The following NRG1 variants were observed in gnomAD, a reference collection of about 807,000 sequenced individuals.
The protein encoded by NRG1 is neuregulin 1.
NRG1 carries 18 observed loss-of-function variants against 63.8 expected under a neutral mutation model. The ratio of observed to expected loss-of-function variants is 0.28; its 90% confidence interval spans 0.19 to 0.42. The LOEUF is 0.42. Among genes scored for constraint, NRG1 ranks in the 10% least tolerant of loss-of-function variants. NRG1 has a pLI of 1.00. For missense variants in NRG1, 762 were observed against 814.7 expected, an observed-to-expected ratio of 0.94 and a Z score of 0.79; for synonymous variants, 302 against 301.3, an observed-to-expected ratio of 1.00 and a Z score of -0.02.
At chr8:31,765,156 C>T (rs1284566839) in intron 1 of NRG1, among the ~76,000 whole-genome samples, 1 of 151,940 alleles carries the variant, frequency 6.6e-6, no homozygotes, top group Non-Finnish European at 1.5e-5. Context: ...TATAGAAACA[C>T]AATTTATTTT....
intron 1 of NRG1, among the ~76,000 whole-genome samples, chr8:32,566,223 G>C (rs1163975456): frequency 6.6e-6 from 1 of 151,922 alleles, no homozygotes; most frequent in Non-Finnish European, 1.5e-5. Context: ...CGGGCCTGGT[G>C]GTGGGTGCCA....
chr8:32,684,021 C>T (rs954983245), intron 5 of NRG1, among the ~76,000 whole-genome samples: 11 of 151,994 alleles, frequency 7.2e-5, no homozygotes, highest in Admixed American at 7.2e-4. Flanking sequence ...ATGGTGAAAC[C>T]CCACCGCTAC....
At chr8:32,009,456 G>C (rs1814372413) in intron 1 of NRG1, among the ~76,000 whole-genome samples, 1 of 151,958 alleles carries the variant, frequency 6.6e-6, no homozygotes, top group African/African-American at 2.4e-5. Context: ...GGCCATTGCT[G>C]TGCTGGAAGT....
chr8:31,803,224 T>C (rs1821960193), intron 1 of NRG1, among the ~76,000 whole-genome samples: 1 of 152,210 alleles, frequency 6.6e-6, no homozygotes, highest in African/African-American at 2.4e-5. Context: ...TTAAAAAGTC[T>C]TTGTTCAGTG....
intron 1 of NRG1, among the ~76,000 whole-genome samples, chr8:32,198,731 CTTTA>C (rs1303517933): frequency 6.6e-6 from 1 of 152,128 alleles, no homozygotes; most frequent in African/African-American, 2.4e-5. Context: ...AATCAATTAA[CTTTA>C]AATTAGTTAA....
intron 1 of NRG1, among the ~76,000 whole-genome samples, chr8:32,572,010 A>G (rs1218726141): frequency 6.6e-6 from 1 of 152,134 alleles, no homozygotes; most frequent in Non-Finnish European, 1.5e-5. Flanking sequence ...TTGTCCTTTT[A>G]TGTTCACTTT....
chr8:32,199,060 A>T lies in NRG1; in HGVS notation c.38-396768A>T, dbSNP rs13266935. ...TATGACCGCTCTGCTTATTTTGAACAATCTTTTATTTTTTTCTGGAGTTGA... is the reference window on the plus strand; with the variant it reads ...TATGACCGCTCTGCTTATTTTGAACTATCTTTTATTTTTTTCTGGAGTTGA... On this transcript the variant is annotated intron_variant, in intron 1 of 10. Coordinates refer to the NRG1 transcript ENST00000519301. Among the ~76,000 whole-genome samples, 3 of 151,970 alleles carry T rather than the reference A, an allele frequency of 2.0e-5. No individual in the cohort carries two copies. The East Asian group carries it at 5.8e-4, about 29-fold the overall frequency.
intron 1 of NRG1, among the ~76,000 whole-genome samples, chr8:32,123,649 A>G (rs1460484488): frequency 1.3e-5 from 2 of 149,106 alleles, no homozygotes; most frequent in African/African-American, 2.4e-5. Context: ...CATAATATAT[A>G]TATTATGTAA....
At chr8:32,478,116 A>C (rs1275444043) in intron 1 of NRG1, among the ~76,000 whole-genome samples, 1 of 152,266 alleles carries the variant, frequency 6.6e-6, no homozygotes, top group Non-Finnish European at 1.5e-5. Context: ...GCAAATGAGA[A>C]ATAAAACAAC....
chr8:32,420,806 G>A, intron 1 of NRG1, among the ~76,000 whole-genome samples: 1 of 152,160 alleles, frequency 6.6e-6, no homozygotes, highest in Non-Finnish European at 1.5e-5. Context: ...CTCACCTTGA[G>A]TTGTAGTCCT....
intron 1 of NRG1, among the ~76,000 whole-genome samples, chr8:31,768,420 G>A (rs945818607): frequency 1.3e-5 from 2 of 152,150 alleles, no homozygotes; most frequent in African/African-American, 4.8e-5. Context: ...AGTTGCTGTG[G>A]TAATCAGCTG....
chr8:31,735,185 C>CT (rs1404821910), intron 1 of NRG1, among the ~76,000 whole-genome samples: 1 of 152,088 alleles, frequency 6.6e-6, no homozygotes, highest in Non-Finnish European at 1.5e-5. Context: ...ATGATGTGCC[C>CT]TGACCACCCC....
chr8:32,581,691 C>G (rs58705931), intron 1 of NRG1, among the ~76,000 whole-genome samples: 1 of 152,044 alleles, frequency 6.6e-6, no homozygotes, highest in Non-Finnish European at 1.5e-5. Context: ...GACACTTATT[C>G]GAAAGACATA....
intron 1 of NRG1, among the ~76,000 whole-genome samples, chr8:31,896,588 G>T (rs1031367157): frequency 6.6e-6 from 1 of 152,180 alleles, no homozygotes; most frequent in Admixed American, 6.5e-5. Flanking sequence ...AGAATAACCT[G>T]GAGGGTTTGT....
rs187049696 is a variant in NRG1, at chr8:32,109,411, C to T, written c.37+469980C>T. Among the ~76,000 whole-genome samples the T allele has an allele frequency of 9.8e-5, 15 of 152,340 alleles. No individual in the cohort carries two copies. In the East Asian group the frequency reaches 2.9e-3, roughly 29 times the overall value. The stretch of plus-strand genomic sequence containing the variant: ...AACTAGACAAGACTTTTGAGACCAT[C>T]TGTCCAAAACTTTGGTTTTACCAGT... On this transcript the variant is annotated intron_variant, in intron 1 of 10. Coordinates refer to the NRG1 transcript ENST00000519301.
chr8:32,236,868 C>T (rs1468092363), intron 1 of NRG1, among the ~76,000 whole-genome samples: 1 of 152,154 alleles, frequency 6.6e-6, no homozygotes, highest in Non-Finnish European at 1.5e-5. Context: ...AAACATCTAT[C>T]AGACATCCTA....
chr8:32,264,573 G>A (rs908130013), intron 1 of NRG1, among the ~76,000 whole-genome samples: 2 of 152,178 alleles, frequency 1.3e-5, no homozygotes, highest in African/African-American at 4.8e-5. Flanking sequence ...TAAAAAGACG[G>A]GAGGGACATT....
chr8:31,837,261 A>G (rs1586729325), intron 1 of NRG1, among the ~76,000 whole-genome samples: 1 of 152,058 alleles, frequency 6.6e-6, no homozygotes, highest in East Asian at 1.9e-4. Flanking sequence ...TTACATAAAC[A>G]GATATGCCAA....
rs922267074 is a variant in NRG1 at position 32,485,713 on chromosome 8, G to A, written c.38-110115G>A. On this transcript the variant is annotated intron_variant, in intron 1 of 10. Transcript: ENST00000519301. ...ACAAGTAAACAATTGTCAGAATATTGCATTTTAAACTCCTGAGAGAAGTTG... is the reference window on the plus strand; with the variant it reads ...ACAAGTAAACAATTGTCAGAATATTACATTTTAAACTCCTGAGAGAAGTTG... Among the ~76,000 whole-genome samples the A allele has an allele frequency of 1.1e-4, 17 of 152,274 alleles. 2 individuals are homozygous for A. The highest frequency in any genetic ancestry group is 8.5e-4 in the Admixed American group (13 of 15,296).
Sources: gnomAD v4.1 joint callset for allele counts (sites outside exome capture counted in the v4.1 genomes callset) on GRCh38, gnomAD v4.1.1 for gene constraint, MANE v1.5 for transcripts, NCBI Gene and HGNC (gene_info 2026-07-23, HGNC 2026-07-21) for gene names.